The following TNFSF13B variants were observed in gnomAD, a reference collection of about 807,000 sequenced individuals.
TNFSF13B encodes tumor necrosis factor ligand superfamily member 13B.
In TNFSF13B, 8 loss-of-function variants were observed where a neutral mutation model predicts 29.1. That is an observed-to-expected ratio of 0.27 (90% CI 0.16 to 0.50). The LOEUF is 0.50. Among genes scored for constraint, TNFSF13B ranks in the 20% least tolerant of loss-of-function variants. The pLI is 0.98. For missense variants in TNFSF13B, 248 were observed against 334.9 expected (o/e 0.74, Z 2.03); for synonymous variants, 125 against 130.8 (o/e 0.96, Z 0.30).
chr13:108,288,382 A>C (rs1334482209), intron 3 of TNFSF13B, among the ~76,000 whole-genome samples: 1 of 152,160 alleles, frequency 6.6e-6, no homozygotes, highest in East Asian at 1.9e-4. Flanking sequence ...AACCCATCCT[A>C]AGCTGAAAAT....
chr13:108,284,270 A>G (rs1014275368), intron 2 of TNFSF13B, among the ~76,000 whole-genome samples: 1 of 152,240 alleles, frequency 6.6e-6, no homozygotes, highest in Non-Finnish European at 1.5e-5. Flanking sequence ...CGGAGCTTGC[A>G]GTGAGCTGAG....
intron 2 of TNFSF13B, among the ~76,000 whole-genome samples, chr13:108,286,328 C>T (rs1045510656): frequency 6.6e-6 from 1 of 151,878 alleles, no homozygotes; most frequent in African/African-American, 2.4e-5. Context: ...ACTGTCTGCA[C>T]TTAAATCTGT....
At chr13:108,296,166 G>A (rs528368029) in intron 3 of TNFSF13B, among the ~76,000 whole-genome samples, 1 of 145,424 alleles carries the variant, frequency 6.9e-6, no homozygotes, top group South Asian at 2.1e-4. Flanking sequence ...TACCTAGATG[G>A]TCTAGCTATT....
chr13:108,282,949 A>G (rs993729662), intron 2 of TNFSF13B, among the ~76,000 whole-genome samples: 11 of 152,240 alleles, frequency 7.2e-5, no homozygotes, highest in Non-Finnish European at 1.6e-4. Context: ...AGAACCAAAC[A>G]ATAATCAATT....
At chr13:108,288,186 A>G (rs1406182662) in intron 3 of TNFSF13B, among the ~76,000 whole-genome samples, 2 of 152,196 alleles carry the variant, frequency 1.3e-5, no homozygotes, top group African/African-American at 2.4e-5. Flanking sequence ...TTTATATAAG[A>G]TAACTAGTGA....
intron 3 of TNFSF13B, among the ~76,000 whole-genome samples, chr13:108,298,906 G>T (rs1267618007): frequency 2.7e-5 from 4 of 145,686 alleles, no homozygotes; most frequent in Admixed American, 2.0e-4. Context: ...CAGAGGCAGA[G>T]GTTGCAGTAA....
intron 2 of TNFSF13B, among the ~76,000 whole-genome samples, chr13:108,271,448 A>ACC (rs1248304936): frequency 1.3e-4 from 2 of 14,836 alleles, no homozygotes; most frequent in African/African-American, 3.5e-4. Context: ...CTTCTATCAC[A>ACC]CACACACACA....
intron 3 of TNFSF13B, chr13:108,302,695 TATC>T: frequency 1.7e-5 from 7 of 402,906 alleles, no homozygotes; most frequent in Non-Finnish European, 2.4e-5. Flanking sequence ...GAAACTCAAA[TATC>T]ATAGATGGTT....
chr13:108,296,372 T>C lies in TNFSF13B; in HGVS notation c.482-6881T>C, dbSNP rs544947581. Among the ~76,000 whole-genome samples, 367 of 146,092 alleles carry C rather than the reference T, an allele frequency of 2.5e-3. 45 individuals carry two copies. The highest frequency in any genetic ancestry group is 3.4e-3 in the Admixed American group (51 of 14,794). On this transcript the variant is annotated intron_variant, in intron 3 of 5. Transcript: ENST00000375887. ...TCATAAAAATTTTTGGCTTAACATG[T>C]ATTTATTCTGATATCAGTATTAGCC...
Position 108,269,780 on chromosome 13 carries a change from C to G in TNFSF13B, c.-116C>G, listed in dbSNP as rs1880556519. 4.0e-6 allele frequency: 4 copies of G among 991,374 alleles called. No individual in the cohort carries two copies. Among genetic ancestry groups the G allele is most frequent in the Non-Finnish European group, 4.5e-6 (3 of 669,746 alleles). 61.4% of individuals were successfully genotyped at this position (991,374 alleles called of 1,614,324 possible). A position where few individuals can be genotyped will look rare whatever the true frequency, so the allele number is the denominator to read the frequency against. On this transcript the variant is annotated 5_prime_UTR_variant, in exon 1 of 6. Coordinates refer to ENST00000375887, the MANE Select transcript of TNFSF13B (RefSeq NM_006573.5). The stretch of plus-strand genomic sequence containing the variant: ...CAGGATAACTCTCCTGAGGGGTGAG[C>G]CAAGCCCTGCCATGTAGTGCACGCA...
chr13:108,292,108 A>G (rs9559291), intron 3 of TNFSF13B, among the ~76,000 whole-genome samples: 7,877 of 152,070 alleles, frequency 0.052, 448 homozygotes, highest in East Asian at 0.14. Context: ...AAAATCCTGT[A>G]TCCATTAAGC....
At chr13:108,302,643 G>A (rs945854408) in intron 3 of TNFSF13B, 6 of 179,496 alleles carry the variant, frequency 3.3e-5, no homozygotes, top group Non-Finnish European at 3.2e-5. Flanking sequence ...ACTTTTGATG[G>A]GTAATGGAGG....
intron 3 of TNFSF13B, among the ~76,000 whole-genome samples, chr13:108,298,655 A>G (rs1346121283): frequency 1.4e-5 from 2 of 145,236 alleles, no homozygotes; most frequent in African/African-American, 5.2e-5. Context: ...GTTTGTTGAT[A>G]TTCAACTTGC....
Position 108,299,244 on chromosome 13 carries a change from G to T in TNFSF13B, c.482-4009G>T, listed in dbSNP as rs1425424517. Among the ~76,000 whole-genome samples the T allele has an allele frequency of 2.7e-5, 4 of 145,802 alleles. 1 individual carries two copies. The highest frequency in any genetic ancestry group is 6.1e-5 in the Non-Finnish European group (4 of 65,650). ...AAAGTGTTAGATCACTGGTAGAAAAGTGATTCGCTATTGAGTATTAATCTT... is the reference window on the plus strand; with the variant it reads ...AAAGTGTTAGATCACTGGTAGAAAATTGATTCGCTATTGAGTATTAATCTT... On this transcript the variant is annotated intron_variant, in intron 3 of 5. Coordinates refer to ENST00000375887, the MANE Select transcript of TNFSF13B (RefSeq NM_006573.5).
At position 108,297,975 on chromosome 13, in the gene TNFSF13B, C is replaced by T. The variant is rs1222330394; in HGVS notation, c.482-5278C>T. The stretch of plus-strand genomic sequence containing the variant: ...TGTGCTTCACTCCAACTACCTTTCC[C>T]TTTCCACTGCTTATCCCCTGGAAAT... On this transcript the variant is annotated intron_variant, in intron 3 of 5. Coordinates refer to ENST00000375887, the MANE Select transcript of TNFSF13B (RefSeq NM_006573.5). 1.3e-4 allele frequency among the ~76,000 whole-genome samples: 19 copies of T among 146,422 alleles called. 3 individuals are homozygous for T. Among genetic ancestry groups the T allele is most frequent in the Non-Finnish European group, 2.6e-4 (17 of 65,728 alleles).
chr13:108,292,171 T>C (rs79277237), intron 3 of TNFSF13B, among the ~76,000 whole-genome samples: 8,310 of 152,142 alleles, frequency 0.055, 416 homozygotes, highest in East Asian at 0.2. Flanking sequence ...CAATCTGCTT[T>C]ATGTCTCTGT....
At position 108,306,807 on chromosome 13, in the gene TNFSF13B, G is replaced by C. The variant is rs376328389; in HGVS notation, c.746-19G>C. ...TGTTGTATAACCACTTATAGTTCTT[G>C]TAAATCATTTTTTCCCAGGCATTGC... On this transcript the variant is annotated intron_variant, in intron 5 of 5. Coordinates refer to ENST00000375887, the MANE Select transcript of TNFSF13B (RefSeq NM_006573.5). The C allele has an allele frequency of 6.3e-6, 9 of 1,434,248 alleles. No individual in the cohort carries two copies. Among genetic ancestry groups the C allele is most frequent in the East Asian group, 4.6e-5 (2 of 43,570 alleles). The allele number at this position is 1,434,248 out of a possible 1,614,324, so 88.8% of individuals were successfully genotyped here. A position where few individuals can be genotyped will look rare whatever the true frequency, so the allele number is the denominator to read the frequency against.
Position 108,286,848 on chromosome 13 carries a change from C to A in TNFSF13B, c.470C>A (p.Thr157Asn). ...LQLIADSETP[T>N]IQKGSYTFVP... ...CTGATTGCAGACAGTGAAACACCAACTATACAAAAAGGTAATAAAATATAG... is the reference window on the plus strand; with the variant it reads ...CTGATTGCAGACAGTGAAACACCAAATATACAAAAAGGTAATAAAATATAG... Residue 157 changes from threonine to asparagine, a missense_variant, in exon 3 of 6, where the codon ACT (threonine) becomes AAT (asparagine). Thr to Asn is a moderately conservative substitution (Grantham distance 65). Transcript: ENST00000375887. 6.4e-7 allele frequency: 1 copy of A among 1,567,148 alleles called. No individual in the cohort carries two copies.
chr13:108,270,198 C>A lies in TNFSF13B; in HGVS notation c.303C>A (p.Gly101=). 1.2e-6 allele frequency: 2 copies of A among 1,602,200 alleles called. No individual in the cohort carries two copies. The highest frequency in any genetic ancestry group is 1.7e-6 in the Non-Finnish European group (2 of 1,178,496). Residue 101 remains glycine, a synonymous_variant, in exon 1 of 6, where the codon GGC becomes GGA. Transcript: ENST00000375887. ...CAGGAGCAGGAGCCCCCAAGGCCGG[C>A]CTGGAGGAAGCTCCAGCTGTCACCG... ...LPAGAGAPKA[G]LEEAPAVTAG... is the part of the protein sequence containing the mutation.
Sources: gnomAD v4.1 joint callset for allele counts (sites outside exome capture counted in the v4.1 genomes callset) on GRCh38, gnomAD v4.1.1 for gene constraint, MANE v1.5 for transcripts, NCBI Gene and HGNC (gene_info 2026-07-23, HGNC 2026-07-21) for gene names.